The following RHBDL3 variants were observed in gnomAD, a reference collection of about 807,000 sequenced individuals.
The protein encoded by RHBDL3 is rhomboid-related protein 3.
RHBDL3 carries 28 observed loss-of-function variants against 48.2 expected under a neutral mutation model. The ratio of observed to expected loss-of-function variants is 0.58; its 90% CI spans 0.43 to 0.80. The LOEUF (loss-of-function observed/expected upper bound fraction) is 0.80, where lower values mean the gene tolerates loss of function less well. Among genes scored for constraint, RHBDL3 ranks in the 30% least tolerant of loss-of-function variants. The pLI is 0.00. For missense variants in RHBDL3, 464 were observed against 542.7 expected (o/e 0.85, Z 1.44); for synonymous variants, 208 against 232.3 (o/e 0.90, Z 0.95).
chr17:32,311,990 T>C (rs532402722), intron 7 of RHBDL3, among the ~76,000 whole-genome samples: 1 of 152,296 alleles, frequency 6.6e-6, no homozygotes, highest in African/African-American at 2.4e-5. Flanking sequence ...AAAATAAGGA[T>C]GGCGCATTTA....
At chr17:32,316,851 TTTTATTTTATTTTA>T (rs1183826069) in intron 8 of RHBDL3, among the ~76,000 whole-genome samples, 2,087 of 150,298 alleles carry the variant, frequency 0.014, 43 homozygotes, top group African/African-American at 0.049. Context: ...TTTATTTTAT[TTTTATTTTATTTTA>T]TTTATTTTAT....
intron 8 of RHBDL3, among the ~76,000 whole-genome samples, chr17:32,318,550 G>T (rs2041031440): frequency 6.6e-6 from 1 of 151,550 alleles, no homozygotes; most frequent in Non-Finnish European, 1.5e-5. Flanking sequence ...CCTAGAAAGG[G>T]TATTATTATT....
At chr17:32,291,749 C>T (rs976459946) in intron 4 of RHBDL3, among the ~76,000 whole-genome samples, 7 of 151,268 alleles carry the variant, frequency 4.6e-5, no homozygotes, top group African/African-American at 1.7e-4. Context: ...TCTTATAGCC[C>T]AGATCAATAC....
chr17:32,302,551 A>ATT (rs35980086), intron 6 of RHBDL3, among the ~76,000 whole-genome samples: 14 of 41,558 alleles, frequency 3.4e-4, no homozygotes, highest in Admixed American at 1.4e-3. Flanking sequence ...ATATATATAT[A>ATT]TTTTTTTTTA....
In RHBDL3 at chr17:32,321,533, A is replaced by G. The variant is rs534293753; in HGVS notation, c.*304A>G. ...CCCTCACCTGGGCTGGGCTTCTTCC[A>G]TGGGGCCAGGGGGTGCCCCCTCACT... On this transcript the variant is annotated 3_prime_UTR_variant, in exon 9 of 9. Transcript: ENST00000269051. The G allele has an allele frequency of 1.8e-6, 1 of 563,998 alleles. No individual in the cohort carries two copies. The highest frequency in any genetic ancestry group is 3.6e-5 in the East Asian group (1 of 27,912). 34.9% of individuals were successfully genotyped at this position (563,998 alleles called of 1,614,324 possible).
At chr17:32,267,564 T>G (rs886981322) in intron 1 of RHBDL3, 5 of 161,168 alleles carry the variant, frequency 3.1e-5, no homozygotes, top group African/African-American at 1.2e-4. Flanking sequence ...CAGAAATTAT[T>G]AGAGGCGCTT....
chr17:32,272,358 C>A (rs536739692), intron 2 of RHBDL3, among the ~76,000 whole-genome samples: 12 of 152,202 alleles, frequency 7.9e-5, no homozygotes, highest in African/African-American at 2.9e-4. Flanking sequence ...TGTAGTCCCC[C>A]CTGCAAGCTG....
At chr17:32,274,837 T>C (rs2039856956) in intron 2 of RHBDL3, among the ~76,000 whole-genome samples, 2 of 152,064 alleles carry the variant, frequency 1.3e-5, no homozygotes, top group Non-Finnish European at 2.9e-5. Context: ...CATGTGTGTG[T>C]ATGCATGCAT....
At chr17:32,312,966 C>T (rs1013394561) in intron 7 of RHBDL3, among the ~76,000 whole-genome samples, 1 of 152,138 alleles carries the variant, frequency 6.6e-6, no homozygotes, top group Non-Finnish European at 1.5e-5. Flanking sequence ...CACACCACCA[C>T]GCCCAGCTAA....
At chr17:32,319,655 C>T (rs2041068744) in intron 8 of RHBDL3, among the ~76,000 whole-genome samples, 1 of 152,120 alleles carries the variant, frequency 6.6e-6, no homozygotes, top group South Asian at 2.1e-4. Context: ...GGGCTCAGCC[C>T]AGAAGGCTGG....
intron 1 of RHBDL3, among the ~76,000 whole-genome samples, 191 bp downstream of exon 1, chr17:32,266,491 C>G (rs575746329): frequency 4.6e-5 from 7 of 152,268 alleles, no homozygotes; most frequent in Non-Finnish European, 7.4e-5. Context: ...ACCGCTTCCC[C>G]CGCTCTGGTT....
chr17:32,307,868 A>G (rs2040748293), intron 7 of RHBDL3, among the ~76,000 whole-genome samples: 1 of 151,812 alleles, frequency 6.6e-6, no homozygotes. Flanking sequence ...TCCTTTCAGT[A>G]GGGGAAGGAA....
rs971392482 is a variant in RHBDL3, at chr17:32,265,934, G to A, written c.-256G>A. 3.4e-5 allele frequency among the ~76,000 whole-genome samples: 5 copies of A among 146,974 alleles called. No individual in the cohort carries two copies. Among genetic ancestry groups the A allele is most frequent in the Admixed American group, 1.3e-4 (2 of 14,816 alleles). On this transcript the variant is annotated 5_prime_UTR_variant, in exon 1 of 9. Transcript: ENST00000269051. ...CTCGGAGCCGGGCGCGAGGGCCGGG[G>A]CGGAGGCGGAGGCCGGCGGGGCAGC...
At chr17:32,287,552 T>TG (rs1479420305) in intron 3 of RHBDL3, among the ~76,000 whole-genome samples, 2 of 152,104 alleles carry the variant, frequency 1.3e-5, no homozygotes, top group Non-Finnish European at 1.5e-5. Context: ...GAATGTGAGG[T>TG]GGGGGGACCC....
At chr17:32,269,347 C>T (rs929547457) in intron 2 of RHBDL3, among the ~76,000 whole-genome samples, 2 of 152,044 alleles carry the variant, frequency 1.3e-5, no homozygotes, top group African/African-American at 4.8e-5. Flanking sequence ...GACCCTGTCT[C>T]AAAACAAAAA....
intron 6 of RHBDL3, among the ~76,000 whole-genome samples, chr17:32,304,333 A>G (rs902439279): frequency 6.6e-6 from 1 of 152,182 alleles, no homozygotes; most frequent in African/African-American, 2.4e-5. Flanking sequence ...AGTTTTCTAG[A>G]TGCTGTTGAA....
At chr17:32,267,721 G>T in intron 1 of RHBDL3, 181 bp from the exon 2 acceptor site, 1 of 1,443,648 alleles carries the variant, frequency 6.9e-7, no homozygotes, top group Non-Finnish European at 9.1e-7. Context: ...GGACTCATTG[G>T]GGAGCTCCTC....
In RHBDL3 at chr17:32,288,804, C is replaced by T. The variant is rs1466609224; in HGVS notation, c.307C>T (p.Arg103Cys). The change falls in exon 4 of 9, where the codon CGT (arginine) becomes TGT (cysteine). Residue 103 changes from arginine (R) to cysteine (C), a missense_variant. By Grantham distance (180) the Arg-to-Cys change is radical (BLOSUM62 -3). Transcript: ENST00000269051. ...QDFVSLMSNK[R>C]SNSFRQAILQ... Reference sequence around the variant, plus strand: ...ATTTCCTGCACAGATGAGCAACAAGCGTTCCAACAGCTTCCGCCAAGCCAT... The same window carrying T: ...ATTTCCTGCACAGATGAGCAACAAGTGTTCCAACAGCTTCCGCCAAGCCAT... 2.5e-6 allele frequency: 4 copies of T among 1,611,550 alleles called. No individual in the cohort carries two copies. Among genetic ancestry groups the T allele is most frequent in the Admixed American group, 1.7e-5 (1 of 59,844 alleles).
At chr17:32,283,798 G>T (rs940146778) in intron 2 of RHBDL3, among the ~76,000 whole-genome samples, 7 of 152,190 alleles carry the variant, frequency 4.6e-5, no homozygotes, top group African/African-American at 9.7e-5. Flanking sequence ...GAGGCGCCGC[G>T]GTCCAAGGAG....
Sources: gnomAD v4.1 joint callset for allele counts (sites outside exome capture counted in the v4.1 genomes callset) on GRCh38, gnomAD v4.1.1 for gene constraint, MANE v1.5 for transcripts, NCBI Gene and HGNC (gene_info 2026-07-23, HGNC 2026-07-21) for gene names.